The following TRIM14 variants were observed in gnomAD, a reference collection of about 807,000 sequenced individuals.
TRIM14 encodes the protein tripartite motif containing 14.
TRIM14 carries 28 observed loss-of-function variants against 44.5 expected under a neutral mutation model. The observed-to-expected ratio is 0.63, with a 90% CI of 0.47 to 0.86. The LOEUF (loss-of-function observed/expected upper bound fraction) is 0.86. Among genes scored for constraint, TRIM14 ranks in the 40% least tolerant of loss-of-function variants. TRIM14 has a pLI of 0.00. For synonymous variants in TRIM14, 299 were observed against 269.2 expected (o/e 1.11, Z -1.08); for missense variants, 607 against 611.1 (o/e 0.99, Z 0.07).
exon 7 of TRIM14, chr9:98,069,590 C>CGT (rs1362818893): frequency 1.3e-5 from 2 of 152,230 alleles, no homozygotes; most frequent in African/African-American, 4.8e-5. Context: ...ACTATTGATG[C>CGT]GTGCAGCAGC....
intron 6 of TRIM14, among the ~76,000 whole-genome samples, chr9:98,071,510 C>T (rs1294040264): frequency 6.6e-6 from 1 of 152,140 alleles, no homozygotes; most frequent in Non-Finnish European, 1.5e-5. Context: ...TAAATGTGAT[C>T]GTTAATATAA....
At chr9:98,043,612 C>A in the TRIM14 span, among the ~76,000 whole-genome samples, 1 of 146,272 alleles carries the variant, frequency 6.8e-6, no homozygotes, top group Non-Finnish European at 1.5e-5. Flanking sequence ...TTATAGAAAT[C>A]TATCATAAAG....
At position 98,095,602 on chromosome 9, in the gene TRIM14, C is replaced by T. The variant is rs1826159256; in HGVS notation, c.538-573G>A. ...TGTCCTGTTTTGCACCTGGACAGCC[C>T]CTCTTCAATACTTTCCTGTGGTATG... On this transcript the variant is annotated intron_variant, in intron 3 of 5. Coordinates refer to ENST00000341469, the MANE Select transcript of TRIM14 (RefSeq NM_014788.4). This position sits in a 1 kb window ranked among gnomAD's most constrained non-coding sequence, Gnocchi z 4.1. 6.6e-6 allele frequency among the ~76,000 whole-genome samples: 1 copy of T among 152,208 alleles called. No homozygotes were observed. The highest frequency in any genetic ancestry group is 6.5e-5 in the Admixed American group (1 of 15,280).
chr9:98,060,912 T>C, the TRIM14 span: 1 of 1,614,192 alleles, frequency 6.2e-7, no homozygotes, highest in Admixed American at 1.7e-5. Flanking sequence ...AAACGACATC[T>C]GGAGTTCAGC....
chr9:98,094,917 T>C lies in TRIM14; in HGVS notation c.650A>G (p.Glu217Gly). Residue 217 changes from glutamate (E) to glycine (G), a missense_variant, in exon 4 of 6, where the codon GAA becomes GGA. By Grantham distance (98) the Glu-to-Gly change is moderately conservative. Coordinates refer to ENST00000341469, the MANE Select transcript of TRIM14 (RefSeq NM_014788.4). ...PVKSFFKGLV[E>G]AVESTLQTPL... ...CGTCTGTAATGTACTCTCCACGGCT[T>C]CCACGAGGCCCTTAAAGAAGCTCTT... is the stretch of plus-strand genomic sequence containing the variant. 1 of 1,614,178 alleles carries C rather than the reference T, an allele frequency of 6.2e-7. No homozygotes were observed. The highest frequency in any genetic ancestry group is 8.5e-7 in the Non-Finnish European group (1 of 1,180,024).
chr9:98,036,814 A>C, the TRIM14 span, among the ~76,000 whole-genome samples: 2 of 152,192 alleles, frequency 1.3e-5, no homozygotes, highest in African/African-American at 4.8e-5. Context: ...CAAAAAAACA[A>C]AACAAAACAA....
chr9:98,087,628 G>C lies in TRIM14; in HGVS notation c.1171C>G (p.Leu391Val), dbSNP rs918607166. The change falls in exon 6 of 6, where the codon CTC (leucine) becomes GTC (valine). Residue 391 changes from leucine (L) to valine (V), a missense_variant. Leu to Val is a conservative substitution (Grantham distance 32). Around this residue, in one of 3 missense-constraint regions of TRIM14, gnomAD observed 356 missense variants for 323.0 expected, o/e 1.10. Coordinates refer to ENST00000341469, the MANE Select transcript of TRIM14 (RefSeq NM_014788.4). ...RLRPRDDLDR[L>V]GVFLDYEAGV... ...GCCTCGTAGTCCAGGAAGACGCCGA[G>C]CCGGTCGAGGTCGTCGCGGGGCCGC... is the stretch of plus-strand genomic sequence containing the variant. 1.2e-6 allele frequency: 2 copies of C among 1,604,628 alleles called. No homozygotes were observed. Among genetic ancestry groups the C allele is most frequent in the African/African-American group, 1.3e-5 (1 of 74,872 alleles).
chr9:98,073,562 C>T (rs1416709802), intron 6 of TRIM14, among the ~76,000 whole-genome samples: 5 of 150,574 alleles, frequency 3.3e-5, no homozygotes, highest in African/African-American at 4.9e-5. Flanking sequence ...GGATTACAGG[C>T]GTGAGCCACC....
At chr9:98,062,726 A>T in the TRIM14 span, among the ~76,000 whole-genome samples, 3 of 150,750 alleles carry the variant, frequency 2.0e-5, no homozygotes, top group Non-Finnish European at 4.4e-5. Flanking sequence ...TGGTGCATGT[A>T]CTATACTGTA....
chr9:98,104,121 G>A (rs1173712760), intron 2 of TRIM14, among the ~76,000 whole-genome samples: 1 of 152,178 alleles, frequency 6.6e-6, no homozygotes. Context: ...CTCATACACA[G>A]GCCTATGGAT....
At chr9:98,116,673 C>CA (rs1033313996) in intron 1 of TRIM14, among the ~76,000 whole-genome samples, 3 of 150,000 alleles carry the variant, frequency 2.0e-5, no homozygotes, top group Non-Finnish European at 3.0e-5. Flanking sequence ...CCCGTCTCTA[C>CA]AAAAAAAATA....
intron 6 of TRIM14, among the ~76,000 whole-genome samples, chr9:98,074,156 C>T (rs1829475879): frequency 6.6e-6 from 1 of 152,184 alleles, no homozygotes; most frequent in South Asian, 2.1e-4. Flanking sequence ...AGTTGATTTA[C>T]TGGGACCCTC....
the TRIM14 span, among the ~76,000 whole-genome samples, chr9:98,054,358 C>CCCGAAATCTTACTGATTGAGGAGAA: frequency 2.6e-5 from 4 of 152,128 alleles, no homozygotes; most frequent in East Asian, 7.7e-4. Flanking sequence ...GAGAAGTCTC[C>CCCGAAATCTTACTGATTGAGGAGAA]CCGAAATCTT....
At chr9:98,088,041 C>A (rs1382318119) in intron 5 of TRIM14, 36 bp from the exon 6 acceptor site, 4 of 1,428,330 alleles carry the variant, frequency 2.8e-6, no homozygotes, top group East Asian at 2.9e-5. Context: ...ACCTGGTGGG[C>A]GGGGCCAGCG....
At chr9:98,112,662 G>A (rs1047692904) in intron 1 of TRIM14, among the ~76,000 whole-genome samples, 3 of 151,740 alleles carry the variant, frequency 2.0e-5, no homozygotes, top group Non-Finnish European at 2.9e-5. Context: ...AGCCAGGTGT[G>A]GTGGTGCACG....
At chr9:98,113,884 A>G (rs1023158377) in intron 1 of TRIM14, among the ~76,000 whole-genome samples, 1 of 152,178 alleles carries the variant, frequency 6.6e-6, no homozygotes, top group Admixed American at 6.5e-5. Flanking sequence ...AGTAATTACC[A>G]TTATTTTGTA....
chr9:98,116,193 T>G (rs576267965), intron 1 of TRIM14: 1 of 150,594 alleles, frequency 6.6e-6, no homozygotes, highest in Admixed American at 6.7e-5. Context: ...TTCCAGCTAC[T>G]CAGGAAGCTG....
the TRIM14 span, among the ~76,000 whole-genome samples, chr9:98,045,254 A>ACCATTTCACATG: frequency 5.7e-3 from 869 of 152,306 alleles, 6 homozygotes; most frequent in Non-Finnish European, 8.7e-3. Context: ...GCTCTCGTCC[A>ACCATTTCACATG]CCATTTCACA....
At chr9:98,102,201 A>C (rs1224397248) in intron 2 of TRIM14, among the ~76,000 whole-genome samples, 1 of 152,094 alleles carries the variant, frequency 6.6e-6, no homozygotes, top group Non-Finnish European at 1.5e-5. Context: ...GTCTGCAAGC[A>C]TTCAGCTCAA....
Sources: gnomAD v4.1 joint callset for allele counts (sites outside exome capture counted in the v4.1 genomes callset) on GRCh38, gnomAD v4.1.1 for gene constraint, gnomAD v4.1.1 regional missense constraint, Gnocchi (gnomAD v3.1) non-coding constraint, MANE v1.5 for transcripts, NCBI Gene and HGNC (gene_info 2026-07-23, HGNC 2026-07-21) for gene names.